ZNF385D: variants seen among roughly 807,000 people sequenced by gnomAD.
The protein encoded by ZNF385D is zinc finger protein 659.
ZNF385D carries 15 observed loss-of-function variants against 35.8 expected under a neutral mutation model. That is an observed-to-expected ratio of 0.42 (90% confidence interval 0.28 to 0.64). The LOEUF is 0.64. Among genes scored for constraint, ZNF385D ranks in the 30% least tolerant of loss-of-function variants. The probability of loss-of-function intolerance (pLI) is 0.23; values close to 1 mark genes in which losing one functional copy is unlikely to be tolerated. For synonymous variants in ZNF385D, 212 were observed against 186.8 expected, an observed-to-expected ratio of 1.13 and a Z score of -1.10; for missense variants, 474 against 494.6, an observed-to-expected ratio of 0.96 and a Z score of 0.39.
At chr3:22,226,639 G>C (rs985087562) in intron 2 of ZNF385D, among the ~76,000 whole-genome samples, 1 of 152,162 alleles carries the variant, frequency 6.6e-6, no homozygotes, top group African/African-American at 2.4e-5. Flanking sequence ...GCTTTGCTAT[G>C]ATATTCTTTC....
At chr3:21,683,123 C>T (rs2066969235) in intron 1 of ZNF385D, among the ~76,000 whole-genome samples, 1 of 149,646 alleles carries the variant, frequency 6.7e-6, no homozygotes, top group Non-Finnish European at 1.5e-5. Context: ...GCTATTGGTA[C>T]ATGATCCACA....
intron 2 of ZNF385D, among the ~76,000 whole-genome samples, chr3:22,291,892 G>A (rs115457125): frequency 6.0e-4 from 91 of 152,102 alleles, no homozygotes; most frequent in Non-Finnish European, 1.2e-3. Flanking sequence ...ATGTGAAACT[G>A]GTGAGAAATT....
At chr3:21,908,175 T>A (rs1425397670) in intron 3 of ZNF385D, among the ~76,000 whole-genome samples, 2 of 151,402 alleles carry the variant, frequency 1.3e-5, no homozygotes, top group African/African-American at 4.9e-5. Flanking sequence ...TCTATCTATA[T>A]ATGTATAAAG....
chr3:21,636,995 A>G (rs1381324714), intron 2 of ZNF385D, among the ~76,000 whole-genome samples: 1 of 151,966 alleles, frequency 6.6e-6, no homozygotes, highest in East Asian at 1.9e-4. Flanking sequence ...GATTCTGGAT[A>G]TTAGTCCTTT....
intron 3 of ZNF385D, among the ~76,000 whole-genome samples, chr3:22,121,216 G>C (rs961734720): frequency 6.6e-6 from 1 of 152,156 alleles, no homozygotes; most frequent in South Asian, 2.1e-4. Flanking sequence ...CTGTCTTAGC[G>C]ATCTGTAAAT....
rs537524749 is a variant in ZNF385D, at chr3:21,676,787, ATATGTATTTT to A, written c.23-11769_23-11760del. On this transcript the variant is annotated intron_variant, in intron 1 of 7. Transcript: ENST00000281523. ...CCAGATAGGGATGATTTCAAAGCCC[ATATGTATTTT>A]TTTTTTTATTGTATTATACCTCTCT... 1.3e-4 allele frequency among the ~76,000 whole-genome samples: 10 copies of A among 79,780 alleles called. No individual in the cohort carries two copies. In the Admixed American group the frequency reaches 1.5e-3, roughly 12 times the overall value. 52.3% of individuals were successfully genotyped at this position (79,780 alleles called of 152,430 possible).
chr3:21,493,444 A>C (rs901741279), intron 4 of ZNF385D, among the ~76,000 whole-genome samples: 4 of 152,132 alleles, frequency 2.6e-5, no homozygotes, highest in Non-Finnish European at 5.9e-5. Context: ...AAGCTATATA[A>C]ATTAAAACTA....
intron 3 of ZNF385D, among the ~76,000 whole-genome samples, chr3:21,875,004 G>C (rs1480517101): frequency 1.3e-5 from 2 of 151,596 alleles, no homozygotes; most frequent in Non-Finnish European, 2.9e-5. Flanking sequence ...TTATTTTGAT[G>C]TTATTTAAAA....
At chr3:21,519,197 A>G (rs748614501) in intron 3 of ZNF385D, among the ~76,000 whole-genome samples, 2 of 152,186 alleles carry the variant, frequency 1.3e-5, no homozygotes, top group Non-Finnish European at 2.9e-5. Context: ...GGGGAAAAGA[A>G]ACATTCTAAA....
At chr3:22,145,502 C>T (rs1704795154) in intron 3 of ZNF385D, among the ~76,000 whole-genome samples, 1 of 152,190 alleles carries the variant, frequency 6.6e-6, no homozygotes, top group Non-Finnish European at 1.5e-5. Context: ...AATTTAGTCT[C>T]TAGTAAGACT....
At chr3:21,722,032 G>A (rs998277700) in intron 1 of ZNF385D, among the ~76,000 whole-genome samples, 10 of 151,088 alleles carry the variant, frequency 6.6e-5, no homozygotes, top group Admixed American at 3.3e-4. Context: ...CCCGGGAGGC[G>A]GAGGCTGCAG....
chr3:22,117,263 T>C (rs773390441), intron 3 of ZNF385D, among the ~76,000 whole-genome samples: 3 of 152,166 alleles, frequency 2.0e-5, no homozygotes, highest in Non-Finnish European at 4.4e-5. Flanking sequence ...GGGGATTAAA[T>C]AGGAACTCAG....
chr3:22,033,331 G>A (rs1245766511), intron 3 of ZNF385D, among the ~76,000 whole-genome samples: 2 of 151,604 alleles, frequency 1.3e-5, no homozygotes, highest in African/African-American at 4.9e-5. Context: ...GAACCCAGGA[G>A]ACAGAGGTTG....
At chr3:21,995,313 C>A (rs1253457923) in intron 3 of ZNF385D, among the ~76,000 whole-genome samples, 2 of 152,204 alleles carry the variant, frequency 1.3e-5, no homozygotes, top group South Asian at 4.1e-4. Flanking sequence ...CCCAGGCCCC[C>A]ATCAGTGCAC....
At chr3:21,984,512 T>C (rs1188391315) in intron 3 of ZNF385D, among the ~76,000 whole-genome samples, 2 of 130,974 alleles carry the variant, frequency 1.5e-5, no homozygotes, top group Admixed American at 1.4e-4. Flanking sequence ...TCTGTTCTGT[T>C]CCATTGATCT....
chr3:21,984,992 C>A (rs1350929255), intron 3 of ZNF385D, among the ~76,000 whole-genome samples: 1 of 151,522 alleles, frequency 6.6e-6, no homozygotes, highest in African/African-American at 2.4e-5. Context: ...TATAAGAATG[C>A]CTGTGATTTT....
Position 21,462,754 on chromosome 3 carries a change from G to A in ZNF385D, c.440-25551C>T, listed in dbSNP as rs538152597. 1.3e-4 allele frequency among the ~76,000 whole-genome samples: 20 copies of A among 152,270 alleles called. No homozygotes were observed. The South Asian group carries it at 3.9e-3, about 30-fold the overall frequency. On this transcript the variant is annotated intron_variant, in intron 4 of 7. Coordinates refer to ENST00000281523, the MANE Select transcript of ZNF385D (RefSeq NM_024697.3). ...CCTAACACTTTGGGAGGCCGAGGAG[G>A]GTAGATCACCTGAGGTCAGGAGTTC...
intron 2 of ZNF385D, among the ~76,000 whole-genome samples, chr3:22,228,188 A>G (rs146336943): frequency 1.2e-3 from 181 of 152,302 alleles, no homozygotes; most frequent in African/African-American, 4.1e-3. Context: ...AGAGACAACA[A>G]AACAGTCTGT....
At chr3:21,662,411 G>A (rs1386439642) in intron 2 of ZNF385D, among the ~76,000 whole-genome samples, 1 of 152,144 alleles carries the variant, frequency 6.6e-6, no homozygotes, top group Non-Finnish European at 1.5e-5. Flanking sequence ...AATTAGAGTG[G>A]ATTTCCCTCC....
Sources: gnomAD v4.1 joint callset for allele counts (sites outside exome capture counted in the v4.1 genomes callset) on GRCh38, gnomAD v4.1.1 for gene constraint, MANE v1.5 for transcripts, NCBI Gene and HGNC (gene_info 2026-07-23, HGNC 2026-07-21) for gene names.